Variants in UMAD1 observed in about 807,000 individuals in gnomAD.
UMAD1 encodes UBAP1-MVB12-associated (UMA) domain containing 1.
In UMAD1, 8 loss-of-function variants were observed where a neutral mutation model predicts 6.1. The observed-to-expected ratio is 1.30, with a 90% CI of 0.76 to 2.35. The LOEUF is 2.35. Among genes scored for constraint, UMAD1 ranks in the 30% most tolerant of loss-of-function variants. UMAD1 has a pLI of 0.00. For synonymous variants in UMAD1, 56 were observed against 31.4 expected, an observed-to-expected ratio of 1.78 and a Z score of -2.61; for missense variants, 130 against 78.4, an observed-to-expected ratio of 1.66 and a Z score of -2.49.
At chr7:7,743,857 ACTGT>A (rs1030312157) in intron 2 of UMAD1, among the ~76,000 whole-genome samples, 4 of 152,018 alleles carry the variant, frequency 2.6e-5, no homozygotes, top group East Asian at 3.8e-4. Flanking sequence ...AACCATCACC[ACTGT>A]CTATTTCTAA....
intron 1 of UMAD1, among the ~76,000 whole-genome samples, chr7:7,650,688 G>A (rs752442700): frequency 5.3e-5 from 8 of 152,214 alleles, no homozygotes; most frequent in African/African-American, 2.4e-5. Flanking sequence ...AATGTTACTT[G>A]TGCCAAACGC....
rs28914836 is a variant in UMAD1 at position 7,720,290 on chromosome 7, C to A, written c.82+46837C>A. 9.2e-3 allele frequency among the ~76,000 whole-genome samples: 1,395 copies of A among 152,208 alleles called. 21 individuals carry two copies. The highest frequency in any genetic ancestry group is 0.037 in the South Asian group (177 of 4,816). ...TAAAGGGGGAAATGGGATGTAAAAA[C>A]CCTAGGCTGGTGGCACTCACAGTTG... On this transcript the variant is annotated intron_variant, in intron 2 of 3. Coordinates refer to ENST00000682710, the MANE Select transcript of UMAD1 (RefSeq NM_001302348.2).
At chr7:7,663,551 C>G (rs1785530246) in intron 1 of UMAD1, among the ~76,000 whole-genome samples, 1 of 152,054 alleles carries the variant, frequency 6.6e-6, no homozygotes, top group Admixed American at 6.5e-5. Flanking sequence ...AATTAGTAGT[C>G]TAACTGATAC....
At chr7:7,777,517 A>AG (rs143746981) in intron 2 of UMAD1, among the ~76,000 whole-genome samples, 8,939 of 123,318 alleles carry the variant, frequency 0.072, 543 homozygotes, top group Non-Finnish European at 0.11. Flanking sequence ...AAAAAAAAAA[A>AG]AAAAAAGAAA....
At chr7:7,751,098 G>A (rs1422154726) in intron 2 of UMAD1, among the ~76,000 whole-genome samples, 2 of 152,014 alleles carry the variant, frequency 1.3e-5, no homozygotes, top group Non-Finnish European at 2.9e-5. Context: ...TGTGTATATA[G>A]CTGAGCAATG....
At chr7:7,848,994 T>A (rs1783862147) in intron 3 of UMAD1, among the ~76,000 whole-genome samples, 1 of 152,194 alleles carries the variant, frequency 6.6e-6, no homozygotes, top group Non-Finnish European at 1.5e-5. Flanking sequence ...GATTTTATAT[T>A]ACGTGCACTT....
At chr7:7,651,042 G>A (rs1342632892) in intron 1 of UMAD1, among the ~76,000 whole-genome samples, 1 of 152,122 alleles carries the variant, frequency 6.6e-6, no homozygotes, top group African/African-American at 2.4e-5. Context: ...CAACCCCTCT[G>A]TAGCCAAAGA....
At chr7:7,664,907 G>A (rs1779399425) in intron 1 of UMAD1, among the ~76,000 whole-genome samples, 1 of 152,104 alleles carries the variant, frequency 6.6e-6, no homozygotes, top group African/African-American at 2.4e-5. Flanking sequence ...TACAAAAGGA[G>A]GAAGGTTAAA....
chr7:7,689,213 A>G (rs1209024535), intron 2 of UMAD1: 1 of 152,204 alleles, frequency 6.6e-6, no homozygotes, highest in Admixed American at 6.5e-5. Flanking sequence ...ATGAAGGAAG[A>G]TCAACTGAGA....
intron 2 of UMAD1, among the ~76,000 whole-genome samples, chr7:7,729,875 T>G (rs1348353177): frequency 1.3e-5 from 2 of 152,212 alleles, no homozygotes; most frequent in African/African-American, 4.8e-5. Flanking sequence ...AAGTTGTCCC[T>G]CTTTCCTGCC....
At chr7:7,728,629 G>C (rs569292773) in intron 2 of UMAD1, among the ~76,000 whole-genome samples, 1 of 149,040 alleles carries the variant, frequency 6.7e-6, no homozygotes, top group Admixed American at 6.7e-5. Flanking sequence ...GGGTGACAGA[G>C]TGAGACTCCA....
At chr7:7,756,371 G>T (rs62432647) in intron 2 of UMAD1, among the ~76,000 whole-genome samples, 26 of 152,174 alleles carry the variant, frequency 1.7e-4, no homozygotes, top group Non-Finnish European at 3.5e-4. Flanking sequence ...TGAAGAAAGT[G>T]ACAGAAAATC....
intron 2 of UMAD1, among the ~76,000 whole-genome samples, chr7:7,741,572 G>A (rs948518324): frequency 1.6e-5 from 2 of 123,876 alleles, no homozygotes; most frequent in Admixed American, 8.1e-5. Context: ...GCGAGACAAC[G>A]TCTCAAAATA....
At position 7,877,489 on chromosome 7, in the gene UMAD1, G is replaced by C; in HGVS notation, c.365G>C (p.Arg122Pro). 1 of 717,444 alleles carries C rather than the reference G, an allele frequency of 1.4e-6. No homozygotes were observed. The highest frequency in any genetic ancestry group is 2.6e-6 in the Non-Finnish European group (1 of 385,090). The allele number at this position is 717,444 out of a possible 1,614,324, so 44.4% of individuals were successfully genotyped here. A position where few individuals can be genotyped will look rare whatever the true frequency, so the allele number is the denominator to read the frequency against. The change falls in exon 4 of 4, where the codon CGG becomes CCG. Residue 122 changes from arginine (R) to proline (P), a missense_variant. Transcript: ENST00000682710. Reference protein sequence around the residue: ...LSYDGSENLSRFWYDFTLENS... With the variant: ...LSYDGSENLSPFWYDFTLENS... ...TATGATGGCAGCGAAAACTTATCAC[G>C]GTTTTGGTATGATTTCACTCTTGAA...
intron 3 of UMAD1, among the ~76,000 whole-genome samples, chr7:7,871,767 A>AT (rs35521498): frequency 6.6e-6 from 1 of 151,982 alleles, no homozygotes; most frequent in Non-Finnish European, 1.5e-5. Flanking sequence ...GCATGTCCCA[A>AT]TTTTTTTACT....
intron 3 of UMAD1, among the ~76,000 whole-genome samples, chr7:7,854,355 C>CAAAAAAAAA (rs34829393): frequency 6.5e-4 from 32 of 49,122 alleles, no homozygotes; most frequent in Admixed American, 1.1e-3. Context: ...AGCTCCATCT[C>CAAAAAAAAA]AAAAAAAAAA....
At chr7:7,753,183 T>C (rs1781711036) in intron 2 of UMAD1, among the ~76,000 whole-genome samples, 1 of 152,212 alleles carries the variant, frequency 6.6e-6, no homozygotes, top group Non-Finnish European at 1.5e-5. Flanking sequence ...ATGGAGTACA[T>C]GAGATGTTTT....
rs574095223 is a variant in UMAD1 at position 7,728,172 on chromosome 7, CT to C, written c.82+54725del. On this transcript the variant is annotated intron_variant, in intron 2 of 3. Coordinates refer to ENST00000682710, the MANE Select transcript of UMAD1 (RefSeq NM_001302348.2). ...GTACATGTGTGCACATCTAGAGTTG[CT>C]TTTTTGAGGATAATTTGGCTTTAAC... Among the ~76,000 whole-genome samples, 516 of 152,164 alleles carry C rather than the reference CT, an allele frequency of 3.4e-3. 4 individuals are homozygous for C. The highest frequency in any genetic ancestry group is 0.011 in the African/African-American group (464 of 41,500).
chr7:7,716,358 C>T (rs994620521), intron 2 of UMAD1, among the ~76,000 whole-genome samples: 1 of 152,226 alleles, frequency 6.6e-6, no homozygotes, highest in African/African-American at 2.4e-5. Context: ...GTTAGTGAGG[C>T]TAAGAGAGTC....
Sources: gnomAD v4.1 joint callset for allele counts (sites outside exome capture counted in the v4.1 genomes callset) on GRCh38, gnomAD v4.1.1 for gene constraint, MANE v1.5 for transcripts, NCBI Gene and HGNC (gene_info 2026-07-23, HGNC 2026-07-21) for gene names.